The following SCIN variants were observed in gnomAD, a reference collection of about 807,000 sequenced individuals.
SCIN encodes the protein scinderin.
In SCIN, 91 loss-of-function variants were observed where a neutral mutation model predicts 91.8. The ratio of observed to expected loss-of-function variants is 0.99; its 90% CI spans 0.84 to 1.18. The LOEUF is 1.18. Among genes scored for constraint, SCIN ranks in the 50% most tolerant of loss-of-function variants. The probability of loss-of-function intolerance (pLI) is 0.00; values close to 1 mark genes in which losing one functional copy is unlikely to be tolerated. For missense variants in SCIN, 1,087 were observed against 863.9 expected, an observed-to-expected ratio of 1.26 and a Z score of -3.24; for synonymous variants, 367 against 312.6, an observed-to-expected ratio of 1.17 and a Z score of -1.84.
At chr7:12,589,138 G>A (rs895312203) in intron 3 of SCIN, 11 of 152,180 alleles carry the variant, frequency 7.2e-5, no homozygotes, top group African/African-American at 2.7e-4. Flanking sequence ...GGCCTAGGAA[G>A]GGCAGTAGCC....
chr7:12,593,462 T>A (rs1782769521), intron 3 of SCIN, among the ~76,000 whole-genome samples: 1 of 152,094 alleles, frequency 6.6e-6, no homozygotes. Flanking sequence ...TTCCTACATA[T>A]GTAACAAACC....
chr7:12,598,792 C>T (rs539771458), intron 3 of SCIN, among the ~76,000 whole-genome samples: 1 of 152,182 alleles, frequency 6.6e-6, no homozygotes, highest in African/African-American at 2.4e-5. Flanking sequence ...AGCTGTAGTC[C>T]TACCTACTCA....
At chr7:12,646,356 C>T (rs149100535) in intron 13 of SCIN, among the ~76,000 whole-genome samples, 1 of 152,236 alleles carries the variant, frequency 6.6e-6, no homozygotes, top group Non-Finnish European at 1.5e-5. Context: ...TGTGTCCTCA[C>T]ATGGCCAAGA....
At chr7:12,632,587 G>A (rs1051131320) in intron 9 of SCIN, among the ~76,000 whole-genome samples, 1 of 152,146 alleles carries the variant, frequency 6.6e-6, no homozygotes, top group Non-Finnish European at 1.5e-5. Context: ...AGGAAAGAAT[G>A]AAACAAATTT....
At chr7:12,607,456 TTAAAA>T (rs1783101428) in intron 4 of SCIN, among the ~76,000 whole-genome samples, 2 of 152,248 alleles carry the variant, frequency 1.3e-5, no homozygotes, top group South Asian at 4.1e-4. Context: ...CACTGTAAAA[TTAAAA>T]TAAGAAAAAG....
At chr7:12,600,870 A>G (rs908847122) in intron 3 of SCIN, among the ~76,000 whole-genome samples, 2 of 152,202 alleles carry the variant, frequency 1.3e-5, no homozygotes. Flanking sequence ...TTTAGTGCTC[A>G]GTGGCTAAGA....
chr7:12,621,459 C>T (rs1344888041), intron 4 of SCIN, among the ~76,000 whole-genome samples: 1 of 152,032 alleles, frequency 6.6e-6, no homozygotes, highest in East Asian at 1.9e-4. Flanking sequence ...GGTCCGCCCA[C>T]TGGGAGGTTT....
At position 12,644,687 on chromosome 7, in the gene SCIN, C is replaced by A. The variant is rs1009737328; in HGVS notation, c.1863C>A (p.Asn621Lys). 1 of 1,570,322 alleles carries A rather than the reference C, an allele frequency of 6.4e-7. No homozygotes were observed. Among genetic ancestry groups the A allele is most frequent in the Non-Finnish European group, 8.6e-7 (1 of 1,157,016 alleles). The change falls in exon 13 of 16, where the codon AAC becomes AAA. Residue 621 changes from asparagine (N) to lysine (K), a missense_variant. By Grantham distance (94) the Asn-to-Lys change is moderately conservative. Coordinates refer to ENST00000297029, the MANE Select transcript of SCIN (RefSeq NM_001112706.3). ...CACCTCGGCTTTACGGCTGCTCTAA[C>A]AAAACTGGAAGATTTGTTGTAAGTG... ...DHPPRLYGCS[N>K]KTGRFVIEEI...
intron 10 of SCIN, among the ~76,000 whole-genome samples, chr7:12,636,585 A>G (rs1583316085): frequency 6.6e-6 from 1 of 152,178 alleles, no homozygotes; most frequent in South Asian, 2.1e-4. Flanking sequence ...ATGGTTGTTC[A>G]TCAGCAGATC....
chr7:12,603,329 A>G (rs1438291864), intron 3 of SCIN, among the ~76,000 whole-genome samples: 1 of 151,940 alleles, frequency 6.6e-6, no homozygotes, highest in East Asian at 1.9e-4. Context: ...TATTTTTAGT[A>G]GAGACGGGGT....
chr7:12,578,107 C>T lies in SCIN; in HGVS notation c.243C>T (p.Phe81=). 6.5e-7 allele frequency: 1 copy of T among 1,549,060 alleles called. No homozygotes were observed. Among genetic ancestry groups the T allele is most frequent in the Non-Finnish European group, 8.7e-7 (1 of 1,145,636 alleles). The change falls in exon 2 of 16, where the codon TTC becomes TTT. Residue 81 remains phenylalanine (F), a synonymous_variant. Transcript: ENST00000297029. Reference sequence around the variant, plus strand: ...ATGAAAGCACAGCTGCTGCCATCTTCACTGTTCAGATGGATGACTATTTGG... The same window carrying T: ...ATGAAAGCACAGCTGCTGCCATCTTTACTGTTCAGATGGATGACTATTTGG... The part of the protein sequence containing the change: ...SQDESTAAAI[F]TVQMDDYLGG...
intron 9 of SCIN, among the ~76,000 whole-genome samples, chr7:12,635,484 C>T (rs1332840250): frequency 1.3e-5 from 2 of 150,660 alleles, no homozygotes; most frequent in African/African-American, 4.9e-5. Flanking sequence ...TGGTGGCAGG[C>T]GCCTGTAATC....
chr7:12,621,819 C>T (rs1783416620), intron 4 of SCIN, among the ~76,000 whole-genome samples: 1 of 151,708 alleles, frequency 6.6e-6, no homozygotes, highest in South Asian at 2.1e-4. Flanking sequence ...AGTGTACTTA[C>T]ACTCATGCAA....
rs35083013 is a variant in SCIN, at chr7:12,636,052, G to C, written c.1327G>C (p.Ala443Pro). Reference protein sequence around the residue: ...RGQIIYTWQGANATRDELTTS... With the variant: ...RGQIIYTWQGPNATRDELTTS... ...TCACTTTCATTCCTCTAGGCAAGGA[G>C]CAAATGCCACACGAGATGAGCTGAC... The change falls in exon 10 of 16, where the codon GCA becomes CCA. Residue 443 changes from alanine (A) to proline (P), a missense_variant. Physicochemically the swap from Ala to Pro is conservative, Grantham distance 27. Transcript: ENST00000297029. The C allele has an allele frequency of 3.4e-3, 5,494 of 1,611,970 alleles. 134 individuals carry two copies. In the African/African-American group the frequency reaches 0.063, roughly 18 times the overall value.
intron 3 of SCIN, among the ~76,000 whole-genome samples, chr7:12,600,619 G>T (rs529559357): frequency 6.6e-6 from 1 of 152,210 alleles, no homozygotes; most frequent in African/African-American, 2.4e-5. Flanking sequence ...AAAAACATTA[G>T]TTTGGGCTCA....
chr7:12,650,013 T>A (rs887304665), intron 14 of SCIN, among the ~76,000 whole-genome samples: 1 of 152,224 alleles, frequency 6.6e-6, no homozygotes, highest in East Asian at 1.9e-4. Flanking sequence ...CCTGTTTTAT[T>A]TATCTTAATT....
At chr7:12,571,137 T>C in intron 1 of SCIN, 152 bp downstream of exon 1, 1 of 836,568 alleles carries the variant, frequency 1.2e-6, no homozygotes, top group Non-Finnish European at 1.8e-6. Flanking sequence ...GGCCGGCCAC[T>C]TTCTCCCTAC....
chr7:12,643,214 T>C (rs2115296554), intron 11 of SCIN, among the ~76,000 whole-genome samples: 1 of 152,256 alleles, frequency 6.6e-6, no homozygotes, highest in Admixed American at 6.5e-5. Flanking sequence ...CTCTCTGAAA[T>C]GCACCAGTCA....
chr7:12,630,134 C>A (rs1344380735), intron 9 of SCIN, among the ~76,000 whole-genome samples: 1 of 151,668 alleles, frequency 6.6e-6, no homozygotes, highest in Admixed American at 6.6e-5. Context: ...TTTTGGTGAA[C>A]CTCACACCGA....
Sources: gnomAD v4.1 joint callset for allele counts (sites outside exome capture counted in the v4.1 genomes callset) on GRCh38, gnomAD v4.1.1 for gene constraint, MANE v1.5 for transcripts, NCBI Gene and HGNC (gene_info 2026-07-23, HGNC 2026-07-21) for gene names.